Variants in IQSEC1 observed in about 807,000 individuals in gnomAD.
The protein encoded by IQSEC1 is IQ motif and Sec7 domain ArfGEF 1, also known as IQ motif and SEC7 domain-containing protein 1.
Under a neutral mutation model 91.0 loss-of-function variants are expected in IQSEC1, and 31 were observed. The ratio of observed to expected loss-of-function variants is 0.34; its 90% CI spans 0.26 to 0.46. The LOEUF is 0.46. IQSEC1 is among the 20% of genes least tolerant of loss of function. The pLI, the probability that IQSEC1 is intolerant of heterozygous loss-of-function variation, is 1.00. For synonymous variants in IQSEC1, 699 were observed against 662.6 expected (o/e 1.05, Z -0.84); for missense variants, 1,388 against 1,575.6 (o/e 0.88, Z 2.02).
chr3:12,985,664 G>GTT (rs1559699712), intron 1 of IQSEC1, among the ~76,000 whole-genome samples: 21 of 152,306 alleles, frequency 1.4e-4, no homozygotes, highest in Admixed American at 2.6e-4. Flanking sequence ...TGGCAGAGTG[G>GTT]GGGGGGTCAC....
chr3:12,974,777 C>T (rs546676994), intron 1 of IQSEC1, among the ~76,000 whole-genome samples: 1 of 152,196 alleles, frequency 6.6e-6, no homozygotes, highest in Non-Finnish European at 1.5e-5. Context: ...TCATACTCAT[C>T]CCACCTTCCC....
rs1171438035 is a variant in IQSEC1 at position 12,972,655 on chromosome 3, A to G, written c.24-30790T>C. On this transcript the variant is annotated intron_variant, in intron 1 of 13. Coordinates refer to ENST00000613206, the MANE Select transcript of IQSEC1 (RefSeq NM_001134382.3). ...GCTCTGCGGCTGCCACTTAGCCCCA[A>G]ATCCTCATTTTACAGACAGGGAAAC... Among the ~76,000 whole-genome samples, 4 of 152,184 alleles carry G rather than the reference A, an allele frequency of 2.6e-5. No individual in the cohort carries two copies. The South Asian group carries it at 6.2e-4, about 24-fold the overall frequency.
chr3:13,072,191 T>C (rs914915970), intron 1 of IQSEC1, among the ~76,000 whole-genome samples: 8 of 152,094 alleles, frequency 5.3e-5, no homozygotes, highest in African/African-American at 1.4e-4. Context: ...CCTGGGCAAA[T>C]AGTTTAGGCA....
intron 1 of IQSEC1, among the ~76,000 whole-genome samples, chr3:13,046,849 C>T (rs1166108481): frequency 6.6e-6 from 1 of 152,236 alleles, no homozygotes; most frequent in Non-Finnish European, 1.5e-5. Context: ...GCCACCTCCA[C>T]TGCCAGGACA....
intron 1 of IQSEC1, among the ~76,000 whole-genome samples, chr3:12,965,725 A>G (rs544346675): frequency 1.3e-5 from 2 of 152,210 alleles, no homozygotes; most frequent in Non-Finnish European, 2.9e-5. Flanking sequence ...GGGACTGAGA[A>G]GTATGCAAGA....
intron 1 of IQSEC1, among the ~76,000 whole-genome samples, chr3:13,010,691 T>TC (rs1702843646): frequency 6.6e-6 from 1 of 152,136 alleles, no homozygotes; most frequent in Non-Finnish European, 1.5e-5. Flanking sequence ...CTGGGGTGCC[T>TC]CTTTTTTTTA....
chr3:12,949,183 C>T (rs1395216436), intron 1 of IQSEC1, among the ~76,000 whole-genome samples: 1 of 152,236 alleles, frequency 6.6e-6, no homozygotes, highest in East Asian at 1.9e-4. Context: ...CCATGCCTCT[C>T]CTGCCCAGCT....
At chr3:13,215,891 A>G (rs995677453) in intron 1 of IQSEC1, among the ~76,000 whole-genome samples, 20 of 152,256 alleles carry the variant, frequency 1.3e-4, no homozygotes, top group Non-Finnish European at 7.3e-5. Context: ...TGGAGCTCAC[A>G]GAACAAGTAT....
rs117166402 is a variant in IQSEC1 at position 13,056,209 on chromosome 3, T to C, written c.23+16783A>G. 1.5e-3 allele frequency among the ~76,000 whole-genome samples: 235 copies of C among 152,298 alleles called. 5 individuals are homozygous for C. In the East Asian group the frequency reaches 0.03, roughly 20 times the overall value. On this transcript the variant is annotated intron_variant, in intron 1 of 13. Transcript: ENST00000613206. ...AAGTCCTGTTCATTCTAGGCCCAAT[T>C]CACTGATAGGCAAGAAGTAGAGAGA...
chr3:13,250,185 A>G (rs1695169673), intron 1 of IQSEC1, among the ~76,000 whole-genome samples: 1 of 152,176 alleles, frequency 6.6e-6, no homozygotes, highest in African/African-American at 2.4e-5. Context: ...AGCTCTGCAG[A>G]TTCAACGAAG....
chr3:13,231,545 C>T (rs10049083), intron 1 of IQSEC1, among the ~76,000 whole-genome samples: 102,318 of 151,896 alleles, frequency 0.67, 36,082 homozygotes, highest in African/African-American at 0.88. Context: ...CATGACCTCA[C>T]CACCTCCCAA....
intron 7 of IQSEC1, 78 bp downstream of exon 7, chr3:12,915,516 G>A (rs1695996244): frequency 1.1e-5 from 17 of 1,498,342 alleles, no homozygotes. Flanking sequence ...AGTGGGGTGG[G>A]TGGGAGTGAG....
chr3:13,055,604 G>A (rs1244126613), intron 1 of IQSEC1, among the ~76,000 whole-genome samples: 2 of 151,434 alleles, frequency 1.3e-5, no homozygotes, highest in Admixed American at 1.3e-4. Flanking sequence ...CCCGTGTAGA[G>A]CAGGGGCACA....
intron 1 of IQSEC1, among the ~76,000 whole-genome samples, chr3:13,276,367 T>C (rs889413661): frequency 6.6e-6 from 1 of 152,060 alleles, no homozygotes; most frequent in South Asian, 2.1e-4. Flanking sequence ...GGATTATAGG[T>C]GTGAGCCACT....
Position 12,967,691 on chromosome 3 carries a change from C to T in IQSEC1, c.24-25826G>A, listed in dbSNP as rs1700677636. The T allele has an allele frequency of 1.7e-6, 2 of 1,150,170 alleles. No homozygotes were observed. The highest frequency in any genetic ancestry group is 2.1e-6 in the Non-Finnish European group (2 of 937,012). The allele number at this position is 1,150,170 out of a possible 1,614,324, so 71.2% of individuals were successfully genotyped here. A position where few individuals can be genotyped will look rare whatever the true frequency, so the allele number is the denominator to read the frequency against. ...CGCCCCTCCGCCGCCGCCCGCTTGGCGCAGCGCGAGGCCGGGCCGGAGGAA... is the reference window on the plus strand; with the variant it reads ...CGCCCCTCCGCCGCCGCCCGCTTGGTGCAGCGCGAGGCCGGGCCGGAGGAA... On this transcript the variant is annotated intron_variant, in intron 1 of 13. Transcript: ENST00000613206. This position sits in a 1 kb window ranked among gnomAD's most constrained non-coding sequence, Gnocchi z 5.9.
rs140423153 is a variant in IQSEC1 at position 12,902,191 on chromosome 3, G to C, written c.2805+582C>G. Among the ~76,000 whole-genome samples the C allele has an allele frequency of 2.6e-5, 4 of 152,286 alleles. 1 individual carries two copies. The highest frequency in any genetic ancestry group is 4.1e-4 in the South Asian group (2 of 4,822). ...TGTGAACAGTAATACAGAGATGGCCGGAGGATGAGTGAAATATCATGAAAT... is the reference window on the plus strand; with the variant it reads ...TGTGAACAGTAATACAGAGATGGCCCGAGGATGAGTGAAATATCATGAAAT... On this transcript the variant is annotated intron_variant, in intron 13 of 13. Coordinates refer to ENST00000613206, the MANE Select transcript of IQSEC1 (RefSeq NM_001134382.3).
At chr3:13,178,965 G>A (rs1693786356) in intron 1 of IQSEC1, among the ~76,000 whole-genome samples, 1 of 152,198 alleles carries the variant, frequency 6.6e-6, no homozygotes, top group Non-Finnish European at 1.5e-5. Flanking sequence ...AAATTCACCA[G>A]ATCACCACAT....
chr3:13,081,445 C>T (rs551058573), intron 2 of IQSEC1, among the ~76,000 whole-genome samples: 5 of 152,022 alleles, frequency 3.3e-5, no homozygotes, highest in African/African-American at 7.2e-5. Flanking sequence ...ATTTTTAAAT[C>T]GTTTATAGAG....
chr3:13,098,402 AGAG>A (rs144916579), intron 2 of IQSEC1, among the ~76,000 whole-genome samples: 1 of 152,334 alleles, frequency 6.6e-6, no homozygotes, highest in Non-Finnish European at 1.5e-5. Context: ...TGAAGGATGC[AGAG>A]GAGTTCTCTG....
Sources: allele counts gnomAD v4.1 joint callset (sites outside exome capture counted in the v4.1 genomes callset), GRCh38; gene constraint gnomAD v4.1.1; non-coding constraint Gnocchi (gnomAD v3.1); transcripts MANE v1.5; gene names NCBI Gene and HGNC (gene_info 2026-07-23, HGNC 2026-07-21).